The following RIMS1 variants were observed in gnomAD, a reference collection of about 807,000 sequenced individuals.
RIMS1 encodes the protein regulating synaptic membrane exocytosis protein 1.
RIMS1 carries 83 observed loss-of-function variants against 214.1 expected under a neutral mutation model. The ratio of observed to expected loss-of-function variants is 0.39; its 90% CI spans 0.32 to 0.47. The LOEUF (loss-of-function observed/expected upper bound fraction) is 0.47. RIMS1 is among the 20% of genes least tolerant of loss of function. The pLI is 0.99. For missense variants in RIMS1, 2,050 were observed against 2,161.8 expected (o/e 0.95, Z 1.03); for synonymous variants, 793 against 786.8 (o/e 1.01, Z -0.13).
chr6:72,324,678 C>T (rs74750632), intron 28 of RIMS1, among the ~76,000 whole-genome samples: 323 of 151,930 alleles, frequency 2.1e-3, no homozygotes, highest in African/African-American at 7.4e-3. Flanking sequence ...AAACAACTTA[C>T]GATAGTAAGT....
At chr6:72,336,903 T>G (rs1192440925) in intron 29 of RIMS1, among the ~76,000 whole-genome samples, 1 of 151,804 alleles carries the variant, frequency 6.6e-6, no homozygotes, top group Non-Finnish European at 1.5e-5. Context: ...TTCAGAATTA[T>G]TCTAAGAAAT....
At chr6:72,316,550 C>T (rs1375228877) in intron 28 of RIMS1, 1 of 385,228 alleles carries the variant, frequency 2.6e-6, no homozygotes, top group Non-Finnish European at 5.0e-6. Flanking sequence ...TATCAAGAAG[C>T]TGGGGATGGG....
intron 1 of RIMS1, among the ~76,000 whole-genome samples, chr6:71,966,963 A>C (rs974850813): frequency 6.6e-6 from 1 of 152,272 alleles, no homozygotes; most frequent in African/African-American, 2.4e-5. Flanking sequence ...TTTTATTTGA[A>C]AGCTTTGTAT....
intron 1 of RIMS1, among the ~76,000 whole-genome samples, chr6:71,895,126 C>G (rs1395407447): frequency 2.6e-5 from 4 of 152,206 alleles, no homozygotes; most frequent in Admixed American, 2.0e-4. Flanking sequence ...TACACACTCA[C>G]AAGTGGAAAC....
rs1828458431 is a variant in RIMS1 at position 72,063,491 on chromosome 6, GA to G, written c.246-33457del. Among the ~76,000 whole-genome samples, 6 of 152,346 alleles carry G rather than the reference GA, an allele frequency of 3.9e-5. 1 individual carries two copies. The South Asian group carries it at 1.2e-3, about 32-fold the overall frequency. ...AATCTGGAGTAGCAGATGTTAACCA[GA>G]GCAGGACTTTGGGCATACCTTCAAA... On this transcript the variant is annotated intron_variant, in intron 2 of 33. Transcript: ENST00000521978.
chr6:72,238,475 G>A (rs2065245262), intron 9 of RIMS1, among the ~76,000 whole-genome samples: 1 of 151,612 alleles, frequency 6.6e-6, no homozygotes, highest in Non-Finnish European at 1.5e-5. Flanking sequence ...GCTAATTCTT[G>A]GTATTTAGAA....
chr6:72,208,659 G>A (rs2053320519), intron 6 of RIMS1, among the ~76,000 whole-genome samples: 1 of 152,194 alleles, frequency 6.6e-6, no homozygotes, highest in Non-Finnish European at 1.5e-5. Context: ...TAGGTAATGT[G>A]TAAGATCAGT....
At chr6:72,373,185 T>C (rs1045742011) in intron 29 of RIMS1, among the ~76,000 whole-genome samples, 1 of 152,214 alleles carries the variant, frequency 6.6e-6, no homozygotes, top group African/African-American at 2.4e-5. Context: ...TGTTCTATTC[T>C]AAAATGGATC....
intron 1 of RIMS1, among the ~76,000 whole-genome samples, chr6:71,961,349 C>T (rs1302174292): frequency 6.6e-6 from 1 of 151,954 alleles, no homozygotes. Context: ...CTCTTCTCTC[C>T]GTCTTCCCCT....
intron 2 of RIMS1, among the ~76,000 whole-genome samples, chr6:72,025,565 C>A (rs994759226): frequency 6.6e-6 from 1 of 152,218 alleles, no homozygotes; most frequent in Non-Finnish European, 1.5e-5. Flanking sequence ...ATACTGCACA[C>A]ATAGTGCACA....
intron 25 of RIMS1, among the ~76,000 whole-genome samples, 199 bp from the exon 26 acceptor site, chr6:72,291,735 G>A (rs2093417683): frequency 1.3e-5 from 2 of 152,144 alleles, no homozygotes; most frequent in African/African-American, 4.8e-5. Flanking sequence ...AACTGTGTGT[G>A]GTGCACATTG....
At chr6:72,143,059 A>G (rs2042271071) in intron 4 of RIMS1, among the ~76,000 whole-genome samples, 1 of 152,142 alleles carries the variant, frequency 6.6e-6, no homozygotes, top group African/African-American at 2.4e-5. Flanking sequence ...TATGTAGTGG[A>G]TAAAATTATG....
chr6:71,896,175 A>AT (rs1771699027), intron 1 of RIMS1, among the ~76,000 whole-genome samples: 1 of 152,210 alleles, frequency 6.6e-6, no homozygotes, highest in Non-Finnish European at 1.5e-5. Flanking sequence ...AGAGATTCTA[A>AT]TTTTATATTA....
chr6:71,989,845 T>C (rs1801058506), intron 2 of RIMS1, among the ~76,000 whole-genome samples: 1 of 152,178 alleles, frequency 6.6e-6, no homozygotes, highest in Non-Finnish European at 1.5e-5. Flanking sequence ...GTGTCCTGCA[T>C]GACCTGGCCT....
chr6:72,382,019 C>A (rs1252757672), intron 29 of RIMS1, among the ~76,000 whole-genome samples: 3 of 152,040 alleles, frequency 2.0e-5, no homozygotes, highest in Non-Finnish European at 2.9e-5. Context: ...AGAATGATTC[C>A]ATCTATCTCA....
At chr6:72,141,368 C>A (rs544958412) in intron 4 of RIMS1, among the ~76,000 whole-genome samples, 224 of 152,034 alleles carry the variant, frequency 1.5e-3, no homozygotes, top group Non-Finnish European at 2.7e-3. Context: ...CAAATTCCCT[C>A]CTCCCCCTCA....
chr6:72,168,663 A>T (rs2046601505), intron 4 of RIMS1, among the ~76,000 whole-genome samples: 1 of 149,618 alleles, frequency 6.7e-6, no homozygotes, highest in Admixed American at 6.6e-5. Flanking sequence ...CACATGCTTG[A>T]GCCCACTCAC....
intron 4 of RIMS1, among the ~76,000 whole-genome samples, chr6:72,154,069 T>C (rs2153908910): frequency 6.6e-6 from 1 of 151,976 alleles, no homozygotes; most frequent in South Asian, 2.1e-4. Context: ...CTTAGCAGAG[T>C]GCTTGATTCC....
intron 6 of RIMS1, among the ~76,000 whole-genome samples, chr6:72,204,922 C>T (rs2052642855): frequency 6.6e-6 from 1 of 151,988 alleles, no homozygotes; most frequent in African/African-American, 2.4e-5. Flanking sequence ...TCTTCTAATT[C>T]TTGGCATATC....
Sources: allele counts gnomAD v4.1 joint callset (sites outside exome capture counted in the v4.1 genomes callset), GRCh38; gene constraint gnomAD v4.1.1; transcripts MANE v1.5; gene names NCBI Gene and HGNC (gene_info 2026-07-23, HGNC 2026-07-21).